FAM117B: variants seen among roughly 807,000 people sequenced by gnomAD.
The protein encoded by FAM117B is family with sequence similarity 117 member B, also known as protein FAM117B.
FAM117B carries 22 observed loss-of-function variants against 52.8 expected under a neutral mutation model. The observed-to-expected ratio is 0.42, with a 90% CI of 0.30 to 0.59. The LOEUF is 0.59. Ranked by LOEUF, FAM117B falls within the 20% of genes least tolerant of loss-of-function variation. The pLI, the probability that FAM117B is intolerant of heterozygous loss-of-function variation, is 0.22. For missense variants in FAM117B, 678 were observed against 802.6 expected (o/e 0.84, Z 1.88); for synonymous variants, 309 against 324.1 (o/e 0.95, Z 0.50).
intron 7 of FAM117B, among the ~76,000 whole-genome samples, chr2:202,765,144 G>T (rs1691955553): frequency 6.6e-6 from 1 of 152,056 alleles, no homozygotes; most frequent in African/African-American, 2.4e-5. Context: ...GCTCATCATT[G>T]ACATGCAGTG....
chr2:202,754,524 C>A (rs1691771238), intron 4 of FAM117B, among the ~76,000 whole-genome samples: 1 of 151,950 alleles, frequency 6.6e-6, no homozygotes, highest in Admixed American at 6.6e-5. Context: ...AAACCCCCCC[C>A]AGAATATAAA....
chr2:202,725,961 TA>T (rs1267428150), intron 3 of FAM117B, among the ~76,000 whole-genome samples: 1 of 152,368 alleles, frequency 6.6e-6, no homozygotes, highest in South Asian at 2.1e-4. Flanking sequence ...GAATGATTGT[TA>T]TTTTTTTAAT....
chr2:202,697,390 C>T (rs1690725911), intron 2 of FAM117B, among the ~76,000 whole-genome samples: 1 of 152,120 alleles, frequency 6.6e-6, no homozygotes, highest in African/African-American at 2.4e-5. Context: ...ATGAGCAAAA[C>T]AGTTACAGCT....
At chr2:202,730,993 CTGA>C (rs893124152) in intron 4 of FAM117B, among the ~76,000 whole-genome samples, 1 of 152,092 alleles carries the variant, frequency 6.6e-6, no homozygotes, top group African/African-American at 2.4e-5. Context: ...AATCATATAT[CTGA>C]TAAGGCATTT....
intron 1 of FAM117B, among the ~76,000 whole-genome samples, chr2:202,688,146 T>C (rs965270300): frequency 1.3e-5 from 2 of 152,226 alleles, no homozygotes; most frequent in South Asian, 2.1e-4. Context: ...TTTGGACATA[T>C]CTTTGTATTT....
At chr2:202,750,979 A>G (rs991563554) in intron 4 of FAM117B, among the ~76,000 whole-genome samples, 56 of 152,196 alleles carry the variant, frequency 3.7e-4, no homozygotes, top group Non-Finnish European at 6.6e-4. Context: ...AGAACAGAAA[A>G]TGTTGAGAAA....
At chr2:202,651,015 C>T (rs144049729) in intron 1 of FAM117B, among the ~76,000 whole-genome samples, 34 of 151,880 alleles carry the variant, frequency 2.2e-4, no homozygotes, top group Non-Finnish European at 4.0e-4. Context: ...TAATAACCGT[C>T]ACAGCTCATG....
chr2:202,646,309 C>G (rs1328191939), intron 1 of FAM117B, among the ~76,000 whole-genome samples: 1 of 152,226 alleles, frequency 6.6e-6, no homozygotes, highest in African/African-American at 2.4e-5. Flanking sequence ...CTTGGCCTGG[C>G]CACTTTCTAT....
At chr2:202,674,388 A>G (rs1014464866) in intron 1 of FAM117B, among the ~76,000 whole-genome samples, 13 of 152,374 alleles carry the variant, frequency 8.5e-5, no homozygotes, top group Middle Eastern at 6.8e-3. Context: ...CCCTGTTACC[A>G]GAACAATTAA....
intron 4 of FAM117B, among the ~76,000 whole-genome samples, chr2:202,730,287 G>A (rs971902918): frequency 6.6e-6 from 1 of 152,086 alleles, no homozygotes; most frequent in Non-Finnish European, 1.5e-5. Flanking sequence ...CAGAGTCTGA[G>A]GTTTTTAAAC....
intron 1 of FAM117B, among the ~76,000 whole-genome samples, chr2:202,653,401 G>C (rs760579326): frequency 6.6e-6 from 1 of 152,116 alleles, no homozygotes; most frequent in Non-Finnish European, 1.5e-5. Flanking sequence ...ACAGGGTCTC[G>C]CTATGTTGCT....
chr2:202,713,822 T>C (rs1394099649), intron 2 of FAM117B, among the ~76,000 whole-genome samples: 1 of 152,204 alleles, frequency 6.6e-6, no homozygotes, highest in Admixed American at 6.5e-5. Flanking sequence ...TTCTCTTGCC[T>C]CAGCCTCCCA....
chr2:202,725,242 CCTGT>C (rs1449583889), intron 3 of FAM117B: 3 of 324,252 alleles, frequency 9.3e-6, no homozygotes. Flanking sequence ...AGAATTCATA[CCTGT>C]CTATTAACAT....
intron 2 of FAM117B, among the ~76,000 whole-genome samples, chr2:202,724,425 G>A (rs1192967940): frequency 6.6e-6 from 1 of 152,162 alleles, no homozygotes; most frequent in African/African-American, 2.4e-5. Flanking sequence ...TACAAGCTCT[G>A]GAGTCTCAGG....
intron 1 of FAM117B, among the ~76,000 whole-genome samples, chr2:202,654,996 A>G (rs190111174): frequency 1.7e-4 from 26 of 152,250 alleles, no homozygotes; most frequent in Admixed American, 1.6e-3. Context: ...AGAAAAAGAA[A>G]TGTCCCCAGG....
intron 1 of FAM117B, among the ~76,000 whole-genome samples, chr2:202,689,344 AAGTGGGAGGATC>A (rs1690588682): frequency 6.6e-6 from 1 of 152,256 alleles, no homozygotes; most frequent in Middle Eastern, 3.4e-3. Flanking sequence ...TGGGAGGCTG[AAGTGGGAGGATC>A]ACTTGAACCT....
chr2:202,762,735 C>T (rs186359120), intron 7 of FAM117B, among the ~76,000 whole-genome samples: 3 of 151,818 alleles, frequency 2.0e-5, no homozygotes, highest in Admixed American at 1.3e-4. Context: ...TTAGAAGCCA[C>T]AGAGGTTAGG....
chr2:202,749,139 A>G lies in FAM117B; in HGVS notation c.961-6399A>G, dbSNP rs115488093. ...ATGTGAGGAGTAAAAATATTTTACTATTTGGTTTGGCATTATGAATCAAAG... is the reference window on the plus strand; with the variant it reads ...ATGTGAGGAGTAAAAATATTTTACTGTTTGGTTTGGCATTATGAATCAAAG... On this transcript the variant is annotated intron_variant, in intron 4 of 7. Coordinates refer to ENST00000392238, the MANE Select transcript of FAM117B (RefSeq NM_173511.4). Among the ~76,000 whole-genome samples the G allele has an allele frequency of 7.4e-3, 1,121 of 152,256 alleles. 9 individuals carry two copies. Among genetic ancestry groups the G allele is most frequent in the African/African-American group, 0.026 (1,078 of 41,546 alleles).
intron 1 of FAM117B, among the ~76,000 whole-genome samples, chr2:202,664,803 A>T (rs1690178271): frequency 6.6e-6 from 1 of 152,126 alleles, no homozygotes; most frequent in Non-Finnish European, 1.5e-5. Flanking sequence ...TGAAGGAATT[A>T]CGGGTTTCTC....
Sources: gnomAD v4.1 joint callset for allele counts (sites outside exome capture counted in the v4.1 genomes callset) on GRCh38, gnomAD v4.1.1 for gene constraint, MANE v1.5 for transcripts, NCBI Gene and HGNC (gene_info 2026-07-23, HGNC 2026-07-21) for gene names.